The following CEACAM18 variants were observed in gnomAD, a reference collection of about 807,000 sequenced individuals.
The protein encoded by CEACAM18 is cell adhesion molecule CEACAM18.
CEACAM18 carries 33 observed loss-of-function variants against 34.3 expected under a neutral mutation model. That is an observed-to-expected ratio of 0.96 (90% confidence interval 0.73 to 1.29). The LOEUF (loss-of-function observed/expected upper bound fraction) is 1.29, where lower values mean the gene tolerates loss of function less well. CEACAM18 is among the 50% of genes most tolerant of loss of function. The pLI is 0.00. For missense variants in CEACAM18, 474 were observed against 485.0 expected, an observed-to-expected ratio of 0.98 and a Z score of 0.21; for synonymous variants, 169 against 180.9, an observed-to-expected ratio of 0.93 and a Z score of 0.53.
At chr19:51,483,124 C>T in exon 4 of CEACAM18, 1 of 1,614,028 alleles carries the variant, frequency 6.2e-7, no homozygotes, top group Non-Finnish European at 8.5e-7. Flanking sequence ...CTATTCCTTC[C>T]TGGATCTCAA....
At chr19:51,480,737 T>C in intron 2 of CEACAM18, 57 bp downstream of exon 2, 1 of 1,466,236 alleles carries the variant, frequency 6.8e-7, no homozygotes, top group East Asian at 2.3e-5. Flanking sequence ...TGTGACACAT[T>C]TGAGAGAAGG....
intron 4 of CEACAM18, among the ~76,000 whole-genome samples, chr19:51,483,556 G>A (rs980585235): frequency 2.0e-5 from 3 of 151,002 alleles, no homozygotes; most frequent in Admixed American, 6.6e-5. Flanking sequence ...CTATGTGCCC[G>A]CCTTTGTTCT....
At chr19:51,485,838 G>T (rs961157518) in intron 5 of CEACAM18, among the ~76,000 whole-genome samples, 3 of 152,146 alleles carry the variant, frequency 2.0e-5, no homozygotes, top group African/African-American at 7.2e-5. Context: ...CCGCATAACT[G>T]GCCTTTTTCC....
chr19:51,484,939 T>C lies in CEACAM18; in HGVS notation c.954-48T>C, dbSNP rs1330579955. The C allele has an allele frequency of 6.5e-6, 10 of 1,534,946 alleles. No homozygotes were observed. The South Asian group carries it at 9.5e-5, about 15-fold the overall frequency. On this transcript the variant is annotated intron_variant, in intron 4 of 5. Transcript: ENST00000396477. ...GTGGGTGAAGAGATGAGTGAATGCA[T>C]GAATGGGTCAATCGTGGTCCTGACC...
chr19:51,485,610 C>G (rs562377185), intron 5 of CEACAM18, among the ~76,000 whole-genome samples: 1 of 152,322 alleles, frequency 6.6e-6, no homozygotes, highest in East Asian at 1.9e-4. Context: ...CTCCTCATAG[C>G]TCATCCTCAG....
exon 6 of CEACAM18, chr19:51,490,649 G>C (rs1486948708): frequency 8.1e-7 from 1 of 1,232,098 alleles, no homozygotes; most frequent in Admixed American, 4.2e-5. Context: ...GGGCAAGCAG[G>C]TGAGGAGAGG....
At chr19:51,482,528 A>G (rs1989933676) in intron 3 of CEACAM18, among the ~76,000 whole-genome samples, 1 of 152,218 alleles carries the variant, frequency 6.6e-6, no homozygotes, top group Non-Finnish European at 1.5e-5. Context: ...GCTTGGAACC[A>G]AGACCCAGGA....
chr19:51,490,910 A>G (rs1176327531), exon 6 of CEACAM18: 1 of 341,764 alleles, frequency 2.9e-6, no homozygotes, highest in Admixed American at 4.8e-5. Context: ...GGCCATGCGC[A>G]AAGCTGGGCT....
intron 1 of CEACAM18, 112 bp downstream of exon 1, chr19:51,478,806 A>C: frequency 1.4e-6 from 1 of 720,968 alleles, no homozygotes. Context: ...ACATCAAGAA[A>C]CTCCCAGAGC....
chr19:51,490,335 C>A (rs1271351681), intron 5 of CEACAM18, among the ~76,000 whole-genome samples: 1 of 152,126 alleles, frequency 6.6e-6, no homozygotes, highest in Non-Finnish European at 1.5e-5. Flanking sequence ...CTCAGCTTCA[C>A]CCGGCCTCTT....
chr19:51,480,440 GAGGATGTTC>G, exon 2 of CEACAM18: 2 of 1,613,650 alleles, frequency 1.2e-6, no homozygotes, highest in Non-Finnish European at 1.7e-6. Flanking sequence ...TAAGGTCCCT[GAGGATGTTC>G]AGGAATACAG....
rs368426251 is a variant in CEACAM18, at chr19:51,483,185, T to C, written c.842T>C (p.Met281Thr). The change falls in exon 4 of 6, where the codon ATG (methionine) becomes ACG (threonine). Residue 281 changes from methionine to threonine, a missense_variant. By Grantham distance (81) the Met-to-Thr change is moderately conservative (BLOSUM62 -1). Transcript: ENST00000396477. ...CTCCTGAACTTCTCAGATGCAAAGATGAACCTCTCGAGTCTTGCCTGGGAG... is the reference window on the plus strand; with the variant it reads ...CTCCTGAACTTCTCAGATGCAAAGACGAACCTCTCGAGTCTTGCCTGGGAG... 3.7e-6 allele frequency: 6 copies of C among 1,613,966 alleles called. No individual in the cohort carries two copies. The South Asian group carries it at 6.6e-5, about 18-fold the overall frequency.
At chr19:51,484,759 T>A (rs1320562976) in intron 4 of CEACAM18, among the ~76,000 whole-genome samples, 1 of 104,802 alleles carries the variant, frequency 9.5e-6, no homozygotes, top group Non-Finnish European at 2.3e-5. Flanking sequence ...GTGTGAGACA[T>A]CTCTTTGCTT....
chr19:51,483,244 C>T (rs562180309), exon 4 of CEACAM18: 4 of 1,614,010 alleles, frequency 2.5e-6, no homozygotes, highest in African/African-American at 1.3e-5. Flanking sequence ...TGTGGAGAAC[C>T]CCGTGACACA....
At chr19:51,481,290 C>T (rs1989910741) in intron 2 of CEACAM18, 103 bp from the exon 3 acceptor site, 1 of 1,255,326 alleles carries the variant, frequency 8.0e-7, no homozygotes, top group African/African-American at 1.5e-5. Context: ...TATCTTACAG[C>T]TCTTGGCTTC....
chr19:51,491,193 C>A (rs571575979), downstream of CEACAM18, among the ~76,000 whole-genome samples: 3 of 148,132 alleles, frequency 2.0e-5, no homozygotes, highest in African/African-American at 7.5e-5. Context: ...TTAGCACATC[C>A]GTCAGCTCAA....
chr19:51,484,378 T>C (rs1376855924), intron 4 of CEACAM18, among the ~76,000 whole-genome samples: 1 of 150,574 alleles, frequency 6.6e-6, no homozygotes, highest in African/African-American at 2.4e-5. Flanking sequence ...AGTGGTGCAA[T>C]CTCTGCTCAC....
chr19:51,485,544 G>T (rs1285541446), intron 5 of CEACAM18, among the ~76,000 whole-genome samples: 1 of 152,164 alleles, frequency 6.6e-6, no homozygotes, highest in Non-Finnish European at 1.5e-5. Context: ...GTTAAGGTCT[G>T]GGTTCAAACC....
At chr19:51,479,881 G>GA (rs1989878682) in intron 1 of CEACAM18, among the ~76,000 whole-genome samples, 1 of 152,204 alleles carries the variant, frequency 6.6e-6, no homozygotes, top group African/African-American at 2.4e-5. Context: ...AAGGTGCATA[G>GA]TGGGGACAGG....
Sources: allele counts gnomAD v4.1 joint callset (sites outside exome capture counted in the v4.1 genomes callset), GRCh38; gene constraint gnomAD v4.1.1; transcripts MANE v1.5; gene names NCBI Gene and HGNC (gene_info 2026-07-23, HGNC 2026-07-21).